Variants in PEF1 observed in about 807,000 individuals in gnomAD.
The protein encoded by PEF1 is penta-EF-hand domain containing 1, also known as peflin.
Under a neutral mutation model 32.0 loss-of-function variants are expected in PEF1, and 17 were observed. That is an observed-to-expected ratio of 0.53 (90% CI 0.36 to 0.80). The LOEUF is 0.80. Among genes scored for constraint, PEF1 ranks in the 30% least tolerant of loss-of-function variants. The probability of loss-of-function intolerance (pLI) is 0.00; values close to 1 mark genes in which losing one functional copy is unlikely to be tolerated. For missense variants in PEF1, 362 were observed against 369.1 expected (o/e 0.98, Z 0.16); for synonymous variants, 130 against 139.8 (o/e 0.93, Z 0.50).
intron 1 of PEF1, among the ~76,000 whole-genome samples, chr1:31,637,530 T>C (rs1230964247): frequency 1.3e-5 from 2 of 151,374 alleles, no homozygotes; most frequent in Non-Finnish European, 2.9e-5. Context: ...ATGTAGTCCC[T>C]GCTACTCGGG....
At chr1:31,644,344 C>T in intron 1 of PEF1, 1 of 981,468 alleles carries the variant, frequency 1.0e-6, no homozygotes, top group Non-Finnish European at 1.2e-6. Flanking sequence ...CGCGAAATGG[C>T]GGTGTTGAAC....
At chr1:31,638,456 C>G (rs1178971083) in intron 1 of PEF1, among the ~76,000 whole-genome samples, 1 of 152,200 alleles carries the variant, frequency 6.6e-6, no homozygotes, top group East Asian at 1.9e-4. Context: ...TCTGGGCACA[C>G]CCAAAGAACA....
intron 1 of PEF1, among the ~76,000 whole-genome samples, chr1:31,641,042 A>C (rs552513680): frequency 6.6e-6 from 1 of 152,230 alleles, no homozygotes; most frequent in Non-Finnish European, 1.5e-5. Flanking sequence ...GCAACCAATA[A>C]ACAATGAGCC....
At chr1:31,636,700 T>C (rs945501031) in intron 1 of PEF1, among the ~76,000 whole-genome samples, 2 of 152,150 alleles carry the variant, frequency 1.3e-5, no homozygotes, top group Non-Finnish European at 2.9e-5. Flanking sequence ...ATAAACACTA[T>C]TAATAATAGC....
chr1:31,639,159 C>G (rs1403489146), intron 1 of PEF1, among the ~76,000 whole-genome samples: 1 of 152,138 alleles, frequency 6.6e-6, no homozygotes, highest in Non-Finnish European at 1.5e-5. Context: ...ACACTCCAGA[C>G]AGAAGAGAGA....
intron 1 of PEF1, among the ~76,000 whole-genome samples, chr1:31,637,559 C>T (rs1468681683): frequency 7.0e-6 from 1 of 142,678 alleles, no homozygotes; most frequent in Admixed American, 7.5e-5. Flanking sequence ...GCGGAAGGAT[C>T]ACTTGAGCCT....
Position 31,630,358 on chromosome 1 carries a change from T to C in PEF1, c.*255A>G. ...CTGGTGCCAGGCTGTGCCACTCAAC[T>C]GCTCATGGCCATCAGGACATTCAAC... is the stretch of plus-strand genomic sequence containing the variant. On this transcript the variant is annotated 3_prime_UTR_variant, in exon 5 of 5. Transcript: ENST00000373703. 2.0e-6 allele frequency: 1 copy of C among 507,764 alleles called. No individual in the cohort carries two copies. The highest frequency in any genetic ancestry group is 3.6e-6 in the Non-Finnish European group (1 of 279,124). 31.5% of individuals were successfully genotyped at this position (507,764 alleles called of 1,614,324 possible).
Position 31,630,233 on chromosome 1 carries a change from G to C in PEF1, c.*380C>G. ...CGTTTGACAGGATGGCCTGGTGAGG[G>C]AACACAGGTACTAACGGTAACAGGC... On this transcript the variant is annotated 3_prime_UTR_variant, in exon 5 of 5. Coordinates refer to ENST00000373703, the MANE Select transcript of PEF1 (RefSeq NM_012392.4). 3.7e-6 allele frequency: 1 copy of C among 269,754 alleles called. No individual in the cohort carries two copies. Among genetic ancestry groups the C allele is most frequent in the Non-Finnish European group, 7.3e-6 (1 of 136,114 alleles). 16.7% of individuals were successfully genotyped at this position (269,754 alleles called of 1,614,324 possible). A position where few individuals can be genotyped will look rare whatever the true frequency, so the allele number is the denominator to read the frequency against.
At chr1:31,637,355 T>C (rs1406006462) in intron 1 of PEF1, among the ~76,000 whole-genome samples, 1 of 152,170 alleles carries the variant, frequency 6.6e-6, no homozygotes, top group African/African-American at 2.4e-5. Flanking sequence ...AATAGAACAA[T>C]TCCTTCCTCA....
chr1:31,634,455 A>G (rs1640202521), intron 2 of PEF1, among the ~76,000 whole-genome samples: 1 of 152,206 alleles, frequency 6.6e-6, no homozygotes, highest in African/African-American at 2.4e-5. Context: ...ATTAAATGAG[A>G]TAACAGCAAA....
chr1:31,630,431 G>A lies in PEF1; in HGVS notation c.*182C>T, dbSNP rs984675758. 13 of 653,860 alleles carry A rather than the reference G, an allele frequency of 2.0e-5. No homozygotes were observed. The highest frequency in any genetic ancestry group is 2.8e-5 in the Admixed American group (1 of 36,176). 40.5% of individuals were successfully genotyped at this position (653,860 alleles called of 1,614,324 possible). A position where few individuals can be genotyped will look rare whatever the true frequency, so the allele number is the denominator to read the frequency against. ...CCCCTATCTGTGTGGCCTCAGCCCC[G>A]GTCCTCACTATTTGGTGGCTATGAT... On this transcript the variant is annotated 3_prime_UTR_variant, in exon 5 of 5. Coordinates refer to ENST00000373703, the MANE Select transcript of PEF1 (RefSeq NM_012392.4).
chr1:31,632,704 G>A, intron 3 of PEF1, 66 bp from the exon 4 acceptor site: 2 of 1,552,216 alleles, frequency 1.3e-6, no homozygotes, highest in Non-Finnish European at 8.8e-7. Context: ...TCCCCCTCAG[G>A]ACCCATTGAG....
rs371188518 is a variant in PEF1, at chr1:31,630,576, G to C, written c.*37C>G. The C allele has an allele frequency of 7.4e-5, 117 of 1,578,506 alleles. No individual in the cohort carries two copies. The highest frequency in any genetic ancestry group is 9.7e-5 in the Non-Finnish European group (112 of 1,150,726). On this transcript the variant is annotated 3_prime_UTR_variant, in exon 5 of 5. Coordinates refer to ENST00000373703, the MANE Select transcript of PEF1 (RefSeq NM_012392.4). ...TCTCTCACTCTAAGAAGCCAGGAAAGGTCCCTGGTGCACTCCACTCTCCAC... is the reference window on the plus strand; with the variant it reads ...TCTCTCACTCTAAGAAGCCAGGAAACGTCCCTGGTGCACTCCACTCTCCAC...
At chr1:31,636,679 T>G (rs1164479676) in intron 1 of PEF1, among the ~76,000 whole-genome samples, 1 of 152,122 alleles carries the variant, frequency 6.6e-6, no homozygotes, top group Non-Finnish European at 1.5e-5. Context: ...CTGACACAAA[T>G]TAAGCACTCA....
At position 31,630,389 on chromosome 1, in the gene PEF1, T is replaced by A. The variant is rs1319342641; in HGVS notation, c.*224A>T. 25 of 565,598 alleles carry A rather than the reference T, an allele frequency of 4.4e-5. No homozygotes were observed. The highest frequency in any genetic ancestry group is 7.6e-5 in the Non-Finnish European group (24 of 316,936). The allele number at this position is 565,598 out of a possible 1,614,324, so 35.0% of individuals were successfully genotyped here. A position where few individuals can be genotyped will look rare whatever the true frequency, so the allele number is the denominator to read the frequency against. On this transcript the variant is annotated 3_prime_UTR_variant, in exon 5 of 5. Transcript: ENST00000373703. ...TGGCCATCAGGACATTCAACTTCTATCCTCTCCTCCATCAGGCCCCTATCT... is the reference window on the plus strand; with the variant it reads ...TGGCCATCAGGACATTCAACTTCTAACCTCTCCTCCATCAGGCCCCTATCT...
intron 2 of PEF1, among the ~76,000 whole-genome samples, chr1:31,634,215 T>C (rs1287680622): frequency 6.6e-6 from 1 of 152,116 alleles, no homozygotes; most frequent in Non-Finnish European, 1.5e-5. Flanking sequence ...AAAACATCGG[T>C]GTCATAGGGG....
chr1:31,630,339 C>A lies in PEF1; in HGVS notation c.*274G>T. On this transcript the variant is annotated 3_prime_UTR_variant, in exon 5 of 5. Transcript: ENST00000373703. ...CCATTACAAGGACCTGCTCCTGGTG[C>A]CAGGCTGTGCCACTCAACTGCTCAT... 1 of 469,284 alleles carries A rather than the reference C, an allele frequency of 2.1e-6. No homozygotes were observed. The highest frequency in any genetic ancestry group is 3.9e-6 in the Non-Finnish European group (1 of 254,716). 29.1% of individuals were successfully genotyped at this position (469,284 alleles called of 1,614,324 possible).
intron 1 of PEF1, among the ~76,000 whole-genome samples, chr1:31,640,764 T>G (rs1233412153): frequency 6.6e-6 from 1 of 151,190 alleles, no homozygotes; most frequent in East Asian, 1.9e-4. Flanking sequence ...AGTCCGGTAT[T>G]TTTTTTTTCT....
At chr1:31,636,068 T>A (rs1041684862) in intron 1 of PEF1, among the ~76,000 whole-genome samples, 3 of 152,116 alleles carry the variant, frequency 2.0e-5, no homozygotes, top group Non-Finnish European at 4.4e-5. Context: ...CATTTCCCTA[T>A]CCTCACTCAC....
Sources: gnomAD v4.1 joint callset for allele counts (sites outside exome capture counted in the v4.1 genomes callset) on GRCh38, gnomAD v4.1.1 for gene constraint, MANE v1.5 for transcripts, NCBI Gene and HGNC (gene_info 2026-07-23, HGNC 2026-07-21) for gene names.